Variants in RBFOX1 observed in about 807,000 individuals in gnomAD.
The protein encoded by RBFOX1 is RNA binding protein fox-1 homolog 1.
Under a neutral mutation model 57.7 loss-of-function variants are expected in RBFOX1, and 8 were observed. The ratio of observed to expected loss-of-function variants is 0.14; its 90% CI spans 0.08 to 0.25. The LOEUF (loss-of-function observed/expected upper bound fraction) is 0.25. Ranked by LOEUF, RBFOX1 falls within the 10% of genes least tolerant of loss-of-function variation. The probability of loss-of-function intolerance (pLI) is 1.00; values close to 1 mark genes in which losing one functional copy is unlikely to be tolerated. For synonymous variants in RBFOX1, 326 were observed against 222.4 expected (o/e 1.47, Z -4.15); for missense variants, 611 against 548.5 (o/e 1.11, Z -1.14).
At chr16:5,609,870 A>T (rs1312596454) in intron 3 of RBFOX1, among the ~76,000 whole-genome samples, 1 of 140,236 alleles carries the variant, frequency 7.1e-6, no homozygotes, top group Non-Finnish European at 1.5e-5. Context: ...CTGTGCAGAG[A>T]CGGTGGGGGC....
chr16:5,975,284 C>T (rs1209752199), intron 4 of RBFOX1, among the ~76,000 whole-genome samples: 1 of 152,182 alleles, frequency 6.6e-6, no homozygotes, highest in African/African-American at 2.4e-5. Context: ...CCTCATGCCT[C>T]CATTGCAGTA....
chr16:6,404,373 C>T (rs919401778), intron 2 of RBFOX1, among the ~76,000 whole-genome samples: 1 of 152,030 alleles, frequency 6.6e-6, no homozygotes, highest in Non-Finnish European at 1.5e-5. Flanking sequence ...GTCTTAGAAC[C>T]AATTTCTGTG....
At chr16:6,775,358 CA>C (rs1365229937) in intron 3 of RBFOX1, among the ~76,000 whole-genome samples, 2 of 130,124 alleles carry the variant, frequency 1.5e-5, no homozygotes, top group African/African-American at 5.7e-5. Flanking sequence ...AAAAAGTAGA[CA>C]AAAAGCCTAC....
chr16:7,347,794 C>T (rs575580472), intron 4 of RBFOX1, among the ~76,000 whole-genome samples: 44 of 152,232 alleles, frequency 2.9e-4, no homozygotes, highest in Admixed American at 1.6e-3. Context: ...ATTTGCAGCC[C>T]GTTCAAAGTA....
At chr16:7,405,510 G>A (rs952302226) in intron 4 of RBFOX1, among the ~76,000 whole-genome samples, 4 of 152,186 alleles carry the variant, frequency 2.6e-5, no homozygotes, top group South Asian at 2.1e-4. Flanking sequence ...AATGAGTTAT[G>A]CTGACCGGAG....
At chr16:7,659,118 C>G (rs545540677) in intron 12 of RBFOX1, among the ~76,000 whole-genome samples, 1 of 152,142 alleles carries the variant, frequency 6.6e-6, no homozygotes, top group Non-Finnish European at 1.5e-5. Flanking sequence ...GATTTTCTGC[C>G]CTTTCTCAGG....
chr16:6,515,901 C>T lies in RBFOX1; in HGVS notation c.-63-138702C>T, dbSNP rs897107462. On this transcript the variant is annotated intron_variant, in intron 2 of 15. Transcript: ENST00000550418. Reference sequence around the variant, plus strand: ...TCAAATGTCAGCTTTGCATAATTTTCCTTGACTCTCCTAGATGGAATGAGT... The same window carrying T: ...TCAAATGTCAGCTTTGCATAATTTTTCTTGACTCTCCTAGATGGAATGAGT... Among the ~76,000 whole-genome samples, 3 of 152,172 alleles carry T rather than the reference C, an allele frequency of 2.0e-5. No individual in the cohort carries two copies. The East Asian group carries it at 5.8e-4, about 29-fold the overall frequency.
intron 3 of RBFOX1, among the ~76,000 whole-genome samples, chr16:6,952,294 C>G (rs183795447): frequency 2.0e-5 from 3 of 152,236 alleles, no homozygotes; most frequent in East Asian, 1.9e-4. Context: ...AGGTAAAGCT[C>G]TTGTGTGTGC....
At chr16:6,948,797 G>C (rs143349956) in intron 3 of RBFOX1, among the ~76,000 whole-genome samples, 9 of 152,244 alleles carry the variant, frequency 5.9e-5, no homozygotes, top group Non-Finnish European at 1.2e-4. Context: ...CGTCTTTTCT[G>C]ATAATTTTAG....
At chr16:6,665,421 C>G (rs965938911) in intron 3 of RBFOX1, among the ~76,000 whole-genome samples, 7 of 152,028 alleles carry the variant, frequency 4.6e-5, no homozygotes, top group Admixed American at 2.0e-4. Flanking sequence ...GGAGACCAGC[C>G]AGGACAACAT....
chr16:7,093,585 C>G (rs1315153083), intron 4 of RBFOX1, among the ~76,000 whole-genome samples: 1 of 152,160 alleles, frequency 6.6e-6, no homozygotes, highest in Admixed American at 6.5e-5. Flanking sequence ...TCAAACTTCT[C>G]GTTGATTAGA....
intron 3 of RBFOX1, among the ~76,000 whole-genome samples, chr16:6,725,396 T>C (rs2062605621): frequency 6.6e-6 from 1 of 152,126 alleles, no homozygotes; most frequent in Admixed American, 6.5e-5. Flanking sequence ...ACGAGGTCTT[T>C]GTGACCTGTA....
At chr16:5,790,950 C>G (rs1441914061) in intron 3 of RBFOX1, among the ~76,000 whole-genome samples, 1 of 150,986 alleles carries the variant, frequency 6.6e-6, no homozygotes, top group Non-Finnish European at 1.5e-5. Context: ...CACACTGCAA[C>G]CTCTGCTTTC....
At chr16:7,564,100 A>C (rs903888846) in intron 5 of RBFOX1, among the ~76,000 whole-genome samples, 2 of 152,110 alleles carry the variant, frequency 1.3e-5, no homozygotes, top group Non-Finnish European at 2.9e-5. Context: ...AGCTGTAACC[A>C]CCAAAGGGAT....
At chr16:7,213,768 C>G (rs925104338) in intron 4 of RBFOX1, among the ~76,000 whole-genome samples, 5 of 152,106 alleles carry the variant, frequency 3.3e-5, no homozygotes, top group Non-Finnish European at 7.4e-5. Context: ...ACGGATAGAG[C>G]CATAAACCAA....
chr16:5,491,653 G>A (rs889114780), intron 2 of RBFOX1, among the ~76,000 whole-genome samples: 2 of 152,178 alleles, frequency 1.3e-5, no homozygotes, highest in East Asian at 1.9e-4. Context: ...CCTTTCAAAC[G>A]TGCACCAGGA....
At chr16:7,267,708 T>A (rs533273957) in intron 4 of RBFOX1, among the ~76,000 whole-genome samples, 23 of 151,844 alleles carry the variant, frequency 1.5e-4, no homozygotes, top group African/African-American at 5.3e-4. Context: ...TACAAAAAAT[T>A]AACTGGTTGT....
intron 4 of RBFOX1, among the ~76,000 whole-genome samples, chr16:7,515,329 G>A (rs2076123303): frequency 6.6e-6 from 1 of 151,124 alleles, no homozygotes; most frequent in East Asian, 2.0e-4. Flanking sequence ...CTTAAAAAAT[G>A]AGACAAAGGG....
At chr16:5,497,592 C>G (rs558278674) in intron 2 of RBFOX1, among the ~76,000 whole-genome samples, 26 of 138,472 alleles carry the variant, frequency 1.9e-4, no homozygotes, top group African/African-American at 7.8e-4. Flanking sequence ...GCTTGGCCAA[C>G]GCGGTGAAAC....
Sources: gnomAD v4.1 joint callset for allele counts (sites outside exome capture counted in the v4.1 genomes callset) on GRCh38, gnomAD v4.1.1 for gene constraint, MANE v1.5 for transcripts, NCBI Gene and HGNC (gene_info 2026-07-23, HGNC 2026-07-21) for gene names.